Variants in ATP11A observed in about 807,000 individuals in gnomAD.
ATP11A encodes the protein ATPase phospholipid transporting 11A, also known as phospholipid-transporting ATPase IH.
Under a neutral mutation model 154.4 loss-of-function variants are expected in ATP11A, and 81 were observed. The ratio of observed to expected loss-of-function variants is 0.52; its 90% CI spans 0.44 to 0.63. The LOEUF is 0.63. Ranked by LOEUF, ATP11A falls within the 30% of genes least tolerant of loss-of-function variation. ATP11A has a pLI of 0.00. For synonymous variants in ATP11A, 623 were observed against 585.9 expected (o/e 1.06, Z -0.91); for missense variants, 1,316 against 1,474.3 (o/e 0.89, Z 1.76).
At position 112,831,940 on chromosome 13, in the gene ATP11A, T is replaced by C. The variant is rs568837898; in HGVS notation, c.1395+392T>C. Among the ~76,000 whole-genome samples, 793 of 120,770 alleles carry C rather than the reference T, an allele frequency of 6.6e-3. 10 individuals carry two copies. Among genetic ancestry groups the C allele is most frequent in the African/African-American group, 0.029 (764 of 26,070 alleles). The allele number at this position is 120,770 out of a possible 152,430, so 79.2% of individuals were successfully genotyped here. ...CACTGTGTGCACACACAGACACACATGCACACATGCAGACACACACACTCA... is the reference window on the plus strand; with the variant it reads ...CACTGTGTGCACACACAGACACACACGCACACATGCAGACACACACACTCA... On this transcript the variant is annotated intron_variant, in intron 13 of 29. Transcript: ENST00000375645.
In ATP11A at chr13:112,860,500, G is replaced by A. The variant is rs61242284; in HGVS notation, c.2855+86G>A. ...AGTTCCTTCCAATAGCCACCTGGCA[G>A]ACCTCAGTTGAGGGCCAGAAGCATT... On this transcript the variant is annotated intron_variant, in intron 24 of 29. Transcript: ENST00000375645. 2.7e-3 allele frequency: 4,219 copies of A among 1,540,200 alleles called. 108 individuals carry two copies. In the African/African-American group the frequency reaches 0.051, roughly 19 times the overall value.
intron 21 of ATP11A, 27 bp from the exon 22 acceptor site, chr13:112,858,118 T>G: frequency 1.2e-6 from 2 of 1,609,338 alleles, no homozygotes; most frequent in African/African-American, 1.3e-5. Flanking sequence ...AAAGCATTTC[T>G]TCAGCTCCTT....
rs1262043399 is a variant in ATP11A, at chr13:112,882,906, G to T, written c.*1040G>T. ...CAGAACCTGTCTCGGGCTGACGGGG[G>T]TGGCACACAGGACACGGGTGGATCC... is the stretch of plus-strand genomic sequence containing the variant. On this transcript the variant is annotated 3_prime_UTR_variant, in exon 30 of 30. Transcript: ENST00000375645. The surrounding 1 kb of genome is among the most constrained non-coding windows in gnomAD (Gnocchi z 5.1). The T allele has an allele frequency of 5.0e-6, 2 of 398,804 alleles. No individual in the cohort carries two copies. Among genetic ancestry groups the T allele is most frequent in the African/African-American group, 2.1e-5 (1 of 48,600 alleles). 24.7% of individuals were successfully genotyped at this position (398,804 alleles called of 1,614,324 possible).
intron 1 of ATP11A, among the ~76,000 whole-genome samples, chr13:112,757,740 G>T (rs1398757061): frequency 6.6e-6 from 1 of 152,208 alleles, no homozygotes; most frequent in Non-Finnish European, 1.5e-5. Context: ...AAACAATTAA[G>T]TTGTATTAAA....
intron 1 of ATP11A, among the ~76,000 whole-genome samples, chr13:112,730,206 G>A (rs1032591221): frequency 2.6e-5 from 4 of 152,220 alleles, no homozygotes; most frequent in African/African-American, 4.8e-5. Flanking sequence ...CATGGCAAGG[G>A]CGACCTCGGA....
chr13:112,795,152 C>T (rs1006854518), intron 2 of ATP11A, among the ~76,000 whole-genome samples: 4 of 146,356 alleles, frequency 2.7e-5, no homozygotes, highest in East Asian at 2.1e-4. Context: ...GGCTGAGGCA[C>T]GAGAATCGCT....
chr13:112,859,327 G>A lies in ATP11A; in HGVS notation c.2668-66G>A, dbSNP rs760256944. 3.1e-5 allele frequency: 43 copies of A among 1,395,428 alleles called. No homozygotes were observed. Among genetic ancestry groups the A allele is most frequent in the South Asian group, 4.6e-5 (4 of 86,540 alleles). 86.4% of individuals were successfully genotyped at this position (1,395,428 alleles called of 1,614,324 possible). The stretch of plus-strand genomic sequence containing the variant: ...CCTCCTCCCATGTGGGGTGGGCCAC[G>A]TCGGTAGGTGGCGGCTGCCTCCCTC... On this transcript the variant is annotated intron_variant, in intron 22 of 29. Coordinates refer to ENST00000375645, the MANE Select transcript of ATP11A (RefSeq NM_015205.3). The surrounding 1 kb of genome is among the most constrained non-coding windows in gnomAD (Gnocchi z 4.3).
intron 25 of ATP11A, among the ~76,000 whole-genome samples, chr13:112,868,717 A>C (rs1208930496): frequency 6.6e-6 from 1 of 152,174 alleles, no homozygotes; most frequent in Non-Finnish European, 1.5e-5. Flanking sequence ...GTAGTAATAA[A>C]CTATCCGCAC....
intron 12 of ATP11A, among the ~76,000 whole-genome samples, 157 bp downstream of exon 12, chr13:112,827,048 C>G (rs940327484): frequency 6.6e-6 from 1 of 152,200 alleles, no homozygotes; most frequent in African/African-American, 2.4e-5. Flanking sequence ...ATGAAACAGT[C>G]AGCCGTGCTG....
In ATP11A at chr13:112,807,974, C is replaced by T. The variant is rs991283594; in HGVS notation, c.333+1681C>T. Among the ~76,000 whole-genome samples, 1 of 152,130 alleles carries T rather than the reference C, an allele frequency of 6.6e-6. No homozygotes were observed. The highest frequency in any genetic ancestry group is 2.4e-5 in the African/African-American group (1 of 41,422). On this transcript the variant is annotated intron_variant, in intron 4 of 29. Transcript: ENST00000375645. The surrounding 1 kb of genome is among the most constrained non-coding windows in gnomAD (Gnocchi z 4.5). ...CATTTGTTAAGGATTCCATCCCTCC[C>T]GGGACTCTACTGAGCAGGAAACTCC...
chr13:112,739,245 G>A (rs1594486455), intron 1 of ATP11A, among the ~76,000 whole-genome samples: 1 of 152,320 alleles, frequency 6.6e-6, no homozygotes, highest in East Asian at 1.9e-4. Flanking sequence ...TTTGCATCCA[G>A]AAGACACAAA....
rs867152662 is a variant in ATP11A, at chr13:112,882,261, G to T, written c.*395G>T. 1 of 565,742 alleles carries T rather than the reference G, an allele frequency of 1.8e-6. No individual in the cohort carries two copies. The highest frequency in any genetic ancestry group is 6.7e-5 in the East Asian group (1 of 14,858). 35.0% of individuals were successfully genotyped at this position (565,742 alleles called of 1,614,324 possible). On this transcript the variant is annotated 3_prime_UTR_variant, in exon 30 of 30. Coordinates refer to ENST00000375645, the MANE Select transcript of ATP11A (RefSeq NM_015205.3). This position sits in a 1 kb window ranked among gnomAD's most constrained non-coding sequence, Gnocchi z 5.1. ...GGGACATTCTGCTGGCCCACCCTGCGCGCTGTCATGCAGAGGCCATTCCCC... is the reference window on the plus strand; with the variant it reads ...GGGACATTCTGCTGGCCCACCCTGCTCGCTGTCATGCAGAGGCCATTCCCC...
chr13:112,881,630 C>T, intron 29 of ATP11A: 1 of 1,191,808 alleles, frequency 8.4e-7, no homozygotes, highest in Non-Finnish European at 1.1e-6. Context: ...CCCTCGCCTC[C>T]ATATGGCTTC....
intron 2 of ATP11A, among the ~76,000 whole-genome samples, chr13:112,798,284 AT>A (rs2078051003): frequency 6.6e-6 from 1 of 152,070 alleles, no homozygotes; most frequent in Admixed American, 6.6e-5. Context: ...AAAATTAAAT[AT>A]TTTGCTTTTT....
intron 1 of ATP11A, among the ~76,000 whole-genome samples, chr13:112,731,801 A>G (rs1890507135): frequency 6.6e-6 from 1 of 152,006 alleles, no homozygotes; most frequent in Non-Finnish European, 1.5e-5. Context: ...AAAATATCCC[A>G]TCTTGCCCTA....
chr13:112,817,673 C>G (rs1169299318), intron 6 of ATP11A, among the ~76,000 whole-genome samples: 1 of 152,224 alleles, frequency 6.6e-6, no homozygotes, highest in Non-Finnish European at 1.5e-5. Flanking sequence ...TGCTAGTGAA[C>G]AGATGCTGTG....
At chr13:112,793,005 T>G (rs1359134759) in intron 2 of ATP11A, among the ~76,000 whole-genome samples, 1 of 152,202 alleles carries the variant, frequency 6.6e-6, no homozygotes, top group Non-Finnish European at 1.5e-5. Flanking sequence ...ATGACTTCTA[T>G]TTGTATAAAT....
intron 12 of ATP11A, among the ~76,000 whole-genome samples, chr13:112,828,159 AGCGTTG>A (rs2078987042): frequency 3.3e-5 from 3 of 90,816 alleles, no homozygotes; most frequent in Admixed American, 1.5e-4. Context: ...AGCGCCCAGC[AGCGTTG>A]AGTGGGGGGA....
Position 112,873,516 on chromosome 13 carries a change from C to G in ATP11A, c.3058-57C>G. Reference sequence around the variant, plus strand: ...CCCCGGCTCTCTGTCCTGCCCATCACGATCATTCTCACTGCTCAGATGACA... The same window carrying G: ...CCCCGGCTCTCTGTCCTGCCCATCAGGATCATTCTCACTGCTCAGATGACA... On this transcript the variant is annotated intron_variant, in intron 26 of 29. Transcript: ENST00000375645. 3 of 1,362,766 alleles carry G rather than the reference C, an allele frequency of 2.2e-6. No homozygotes were observed. The South Asian group carries it at 4.1e-5, about 19-fold the overall frequency. 84.4% of individuals were successfully genotyped at this position (1,362,766 alleles called of 1,614,324 possible).
Sources: allele counts gnomAD v4.1 joint callset (sites outside exome capture counted in the v4.1 genomes callset), GRCh38; gene constraint gnomAD v4.1.1; non-coding constraint Gnocchi (gnomAD v3.1); transcripts MANE v1.5; gene names NCBI Gene and HGNC (gene_info 2026-07-23, HGNC 2026-07-21).